The following CMSS1 variants were observed in gnomAD, a reference collection of about 807,000 sequenced individuals.
CMSS1 encodes the protein protein CMSS1.
CMSS1 carries 33 observed loss-of-function variants against 43.5 expected under a neutral mutation model. The ratio of observed to expected loss-of-function variants is 0.76; its 90% CI spans 0.57 to 1.01. The LOEUF is 1.01. CMSS1 is among the 50% of genes least tolerant of loss of function. The pLI is 0.00. For missense variants in CMSS1, 313 were observed against 326.4 expected, an observed-to-expected ratio of 0.96 and a Z score of 0.32; for synonymous variants, 115 against 117.2, an observed-to-expected ratio of 0.98 and a Z score of 0.12.
At chr3:100,177,419 C>T (rs2067156488) in intron 9 of CMSS1, among the ~76,000 whole-genome samples, 1 of 152,204 alleles carries the variant, frequency 6.6e-6, no homozygotes, top group Non-Finnish European at 1.5e-5. Flanking sequence ...TTTGACTAAT[C>T]TACTAAGTTT....
intron 1 of CMSS1, among the ~76,000 whole-genome samples, chr3:99,969,021 A>G (rs1241310919): frequency 6.6e-6 from 1 of 152,208 alleles, no homozygotes; most frequent in African/African-American, 2.4e-5. Flanking sequence ...GCTTAGAGGA[A>G]AGAGTAAATA....
intron 1 of CMSS1, among the ~76,000 whole-genome samples, chr3:100,146,735 A>G (rs1321470316): frequency 3.3e-5 from 5 of 152,196 alleles, no homozygotes; most frequent in African/African-American, 4.8e-5. Flanking sequence ...GTTCTGTGAC[A>G]AAACATTCCC....
chr3:99,960,958 G>A (rs1708474332), intron 1 of CMSS1, among the ~76,000 whole-genome samples: 1 of 152,156 alleles, frequency 6.6e-6, no homozygotes, highest in Non-Finnish European at 1.5e-5. Context: ...CATATAAGGT[G>A]AAAAGTCCCT....
At chr3:100,055,292 C>T (rs116488647) in intron 1 of CMSS1, among the ~76,000 whole-genome samples, 220 of 152,326 alleles carry the variant, frequency 1.4e-3, no homozygotes, top group African/African-American at 4.9e-3. Context: ...GTATCTTTAG[C>T]ATTACTGAAC....
chr3:100,017,868 C>T (rs1710390707), intron 1 of CMSS1, among the ~76,000 whole-genome samples: 1 of 152,196 alleles, frequency 6.6e-6, no homozygotes, highest in African/African-American at 2.4e-5. Flanking sequence ...TTCTATTTCT[C>T]AGGCCCATAA....
At chr3:99,912,861 G>A (rs1040664996) in intron 1 of CMSS1, among the ~76,000 whole-genome samples, 1 of 152,148 alleles carries the variant, frequency 6.6e-6, no homozygotes, top group Non-Finnish European at 1.5e-5. Context: ...TCTTAGGTGT[G>A]TACCTAAGAG....
intron 1 of CMSS1, among the ~76,000 whole-genome samples, chr3:100,118,217 G>A (rs2066592028): frequency 6.6e-6 from 1 of 151,696 alleles, no homozygotes; most frequent in Admixed American, 6.6e-5. Flanking sequence ...TTGCACACAT[G>A]AAAAGGGTTA....
chr3:99,848,776 A>G lies in CMSS1; in HGVS notation c.64+30733A>G, dbSNP rs776348364. 23 of 1,614,052 alleles carry G rather than the reference A, an allele frequency of 1.4e-5. No homozygotes were observed. Among genetic ancestry groups the G allele is most frequent in the South Asian group, 4.4e-5 (4 of 91,082 alleles). On this transcript the variant is annotated intron_variant, in intron 1 of 9. Coordinates refer to ENST00000421999, the MANE Select transcript of CMSS1 (RefSeq NM_032359.4). ...TGGGGACATGCCTTGTTCTAAATTCATGAGGTCTTCGGTAGAGGTTTTGGA... is the reference window on the plus strand; with the variant it reads ...TGGGGACATGCCTTGTTCTAAATTCGTGAGGTCTTCGGTAGAGGTTTTGGA...
At chr3:100,073,354 C>CA (rs1250929836) in intron 1 of CMSS1, among the ~76,000 whole-genome samples, 8 of 152,058 alleles carry the variant, frequency 5.3e-5, no homozygotes, top group Non-Finnish European at 1.2e-4. Context: ...AAGTCCTTCA[C>CA]AAAAAAAGTT....
At chr3:99,885,614 C>T (rs1180075859) in intron 1 of CMSS1, among the ~76,000 whole-genome samples, 1 of 152,172 alleles carries the variant, frequency 6.6e-6, no homozygotes. Context: ...GCTTAGGGCT[C>T]ACTTGACCTC....
chr3:100,064,587 C>A (rs1251379118), intron 1 of CMSS1, among the ~76,000 whole-genome samples: 1 of 152,142 alleles, frequency 6.6e-6, no homozygotes, highest in Non-Finnish European at 1.5e-5. Flanking sequence ...CTTTGGCTCT[C>A]CAGAGGATAG....
intron 1 of CMSS1, among the ~76,000 whole-genome samples, chr3:99,935,116 A>G (rs1258338825): frequency 6.6e-6 from 1 of 152,130 alleles, no homozygotes; most frequent in Admixed American, 6.5e-5. Context: ...AAAGACATGA[A>G]TTTCATGATA....
chr3:99,902,259 C>T (rs1706461330), intron 1 of CMSS1, among the ~76,000 whole-genome samples: 1 of 152,122 alleles, frequency 6.6e-6, no homozygotes, highest in African/African-American at 2.4e-5. Flanking sequence ...CTCTTGACAA[C>T]CAAAAGTATG....
chr3:99,848,103 C>T, intron 1 of CMSS1: 1 of 1,428,478 alleles, frequency 7.0e-7, no homozygotes, highest in East Asian at 2.5e-5. Context: ...TAAGTGCACA[C>T]TCGATATGAC....
chr3:99,857,811 A>G (rs185474421), intron 1 of CMSS1, among the ~76,000 whole-genome samples: 1 of 152,284 alleles, frequency 6.6e-6, no homozygotes, highest in East Asian at 1.9e-4. Context: ...CTTTAAGGAA[A>G]CCTATTTTTC....
chr3:100,056,701 TAA>T (rs71299385), intron 1 of CMSS1, among the ~76,000 whole-genome samples: 3 of 145,478 alleles, frequency 2.1e-5, no homozygotes, highest in African/African-American at 5.1e-5. Flanking sequence ...TCTAGACCAT[TAA>T]AAAAAAAAAA....
intron 1 of CMSS1, among the ~76,000 whole-genome samples, chr3:99,999,918 T>C (rs568763149): frequency 5.3e-5 from 8 of 152,358 alleles, no homozygotes; most frequent in African/African-American, 1.9e-4. Context: ...TATTGGACTA[T>C]GGGCCTCTGT....
At chr3:99,852,486 G>A (rs746206026) in intron 1 of CMSS1, among the ~76,000 whole-genome samples, 2 of 151,554 alleles carry the variant, frequency 1.3e-5, no homozygotes, top group Non-Finnish European at 2.9e-5. Flanking sequence ...TCACTCTGTC[G>A]CCAGGCTGGA....
At chr3:99,930,962 G>T (rs1392145500) in intron 1 of CMSS1, 1 of 1,613,682 alleles carries the variant, frequency 6.2e-7, no homozygotes, top group Non-Finnish European at 8.5e-7. Context: ...GTGGCCTTTA[G>T]TATGTCTTGG....
Sources: allele counts gnomAD v4.1 joint callset (sites outside exome capture counted in the v4.1 genomes callset), GRCh38; gene constraint gnomAD v4.1.1; transcripts MANE v1.5; gene names NCBI Gene and HGNC (gene_info 2026-07-23, HGNC 2026-07-21).